The following LINGO2 variants were observed in gnomAD, a reference collection of about 807,000 sequenced individuals.
LINGO2 encodes the protein leucine rich repeat and Ig domain containing 2.
A neutral mutation model predicts 30.6 loss-of-function variants in LINGO2; 14 were observed. The observed-to-expected ratio is 0.46, with a 90% confidence interval of 0.30 to 0.72. LINGO2 has a LOEUF of 0.72. Among genes scored for constraint, LINGO2 ranks in the 30% least tolerant of loss-of-function variants. The probability of loss-of-function intolerance (pLI) is 0.07; values close to 1 mark genes in which losing one functional copy is unlikely to be tolerated. For missense variants in LINGO2, 729 were observed against 751.7 expected, an observed-to-expected ratio of 0.97 and a Z score of 0.35; for synonymous variants, 317 against 288.5, an observed-to-expected ratio of 1.10 and a Z score of -1.00.
At chr9:28,075,520 C>A (rs571950425) in intron 4 of LINGO2, among the ~76,000 whole-genome samples, 3 of 151,938 alleles carry the variant, frequency 2.0e-5, no homozygotes, top group African/African-American at 7.2e-5. Context: ...TTTATAGACA[C>A]CAGATATGTA....
chr9:27,949,829 G>C (rs900609762), exon 6 of LINGO2: 1 of 1,614,130 alleles, frequency 6.2e-7, no homozygotes, highest in African/African-American at 1.3e-5. Flanking sequence ...TGGGATTGTA[G>C]GAGAGGTTAA....
At chr9:28,135,040 G>A (rs146589095) in intron 4 of LINGO2, among the ~76,000 whole-genome samples, 17 of 152,300 alleles carry the variant, frequency 1.1e-4, no homozygotes, top group Non-Finnish European at 2.2e-4. Flanking sequence ...ACCTGTTCCA[G>A]TAAAATCTTC....
chr9:28,243,439 G>A (rs536233202), intron 4 of LINGO2, among the ~76,000 whole-genome samples: 9 of 135,622 alleles, frequency 6.6e-5, no homozygotes, highest in African/African-American at 1.8e-4. Context: ...CAGCCTGTGC[G>A]ACGGAGAAAG....
At chr9:29,071,719 T>C in the LINGO2 span, among the ~76,000 whole-genome samples, 2 of 151,564 alleles carry the variant, frequency 1.3e-5, no homozygotes, top group African/African-American at 2.4e-5. Flanking sequence ...TTCAAAAATA[T>C]ATATTGGAGA....
chr9:28,032,116 T>C (rs1823708662), intron 4 of LINGO2, among the ~76,000 whole-genome samples: 1 of 152,020 alleles, frequency 6.6e-6, no homozygotes, highest in African/African-American at 2.4e-5. Context: ...AAAACAGCTT[T>C]GGCCTTTGAA....
At chr9:28,496,598 C>T (rs10117978) in intron 1 of LINGO2, among the ~76,000 whole-genome samples, 107,814 of 151,440 alleles carry the variant, frequency 0.71, 38,501 homozygotes, top group South Asian at 0.79. Context: ...CTGATGGGTC[C>T]TGACTCTTTA....
the LINGO2 span, among the ~76,000 whole-genome samples, chr9:29,147,945 T>C: frequency 1.3e-5 from 2 of 152,064 alleles, no homozygotes; most frequent in Non-Finnish European, 2.9e-5. Flanking sequence ...CCAACAAACA[T>C]TTCTAAATAT....
At chr9:28,228,338 T>C (rs1457908602) in intron 4 of LINGO2, among the ~76,000 whole-genome samples, 1 of 152,012 alleles carries the variant, frequency 6.6e-6, no homozygotes, top group Non-Finnish European at 1.5e-5. Context: ...TAACTTTCTA[T>C]ATAGCTTCTA....
chr9:28,581,410 A>C (rs1824252731), intron 1 of LINGO2, among the ~76,000 whole-genome samples: 1 of 151,794 alleles, frequency 6.6e-6, no homozygotes, highest in South Asian at 2.1e-4. Context: ...AAGTGTATAG[A>C]AACTTTTAAA....
At chr9:28,046,869 A>C (rs1488196456) in intron 4 of LINGO2, among the ~76,000 whole-genome samples, 1 of 152,124 alleles carries the variant, frequency 6.6e-6, no homozygotes, top group African/African-American at 2.4e-5. Flanking sequence ...ACGTGTATCT[A>C]TTAACACAGG....
the LINGO2 span, among the ~76,000 whole-genome samples, chr9:28,986,792 A>C: frequency 1.3e-5 from 2 of 152,032 alleles, no homozygotes; most frequent in Admixed American, 1.3e-4. Flanking sequence ...ATTTAGAATA[A>C]AGTTTTGAAA....
rs77495210 is a variant in LINGO2, at chr9:28,359,000, C to A, written c.-246+13836G>T. On this transcript the variant is annotated intron_variant, in intron 3 of 5. Transcript: ENST00000379992. Reference sequence around the variant, plus strand: ...TTGATAATTCCAGATTGTTTTGAGACACCAGAGAGATTGAGGAGAATCACA... The same window carrying A: ...TTGATAATTCCAGATTGTTTTGAGAAACCAGAGAGATTGAGGAGAATCACA... Among the ~76,000 whole-genome samples, 864 of 152,218 alleles carry A rather than the reference C, an allele frequency of 5.7e-3. 36 individuals carry two copies. The East Asian group carries it at 0.11, about 19-fold the overall frequency.
chr9:28,577,770 T>C (rs761420100), intron 1 of LINGO2, among the ~76,000 whole-genome samples: 5 of 152,190 alleles, frequency 3.3e-5, no homozygotes, highest in African/African-American at 7.2e-5. Flanking sequence ...AAAGTGAAAC[T>C]GTATAAATAA....
At chr9:27,955,229 C>G (rs1474889121) in intron 5 of LINGO2, among the ~76,000 whole-genome samples, 1 of 152,146 alleles carries the variant, frequency 6.6e-6, no homozygotes, top group African/African-American at 2.4e-5. Context: ...TATTTAGTTA[C>G]CTTGACATTA....
chr9:29,075,204 A>T, the LINGO2 span, among the ~76,000 whole-genome samples: 72,196 of 151,952 alleles, frequency 0.48, 18,024 homozygotes, highest in African/African-American at 0.64. Flanking sequence ...AACAACATTA[A>T]TAAATAAACT....
At chr9:29,155,025 G>C in the LINGO2 span, among the ~76,000 whole-genome samples, 1 of 152,104 alleles carries the variant, frequency 6.6e-6, no homozygotes, top group African/African-American at 2.4e-5. Context: ...TAGTAATAAT[G>C]TCATGTGCTT....
At chr9:28,978,554 G>T in the LINGO2 span, among the ~76,000 whole-genome samples, 1 of 152,020 alleles carries the variant, frequency 6.6e-6, no homozygotes, top group Admixed American at 6.6e-5. Context: ...AGAAAAAATG[G>T]AATAAGTACT....
chr9:28,388,515 G>A (rs1483157290), intron 2 of LINGO2, among the ~76,000 whole-genome samples: 1 of 152,128 alleles, frequency 6.6e-6, no homozygotes, highest in East Asian at 1.9e-4. Flanking sequence ...TCCCAAATAC[G>A]TTTATTTGAA....
the LINGO2 span, among the ~76,000 whole-genome samples, chr9:29,009,678 A>T: frequency 5.9e-5 from 9 of 152,124 alleles, no homozygotes; most frequent in South Asian, 4.1e-4. Flanking sequence ...TGGAAAAAAC[A>T]ACTTTAAAGT....
Sources: gnomAD v4.1 joint callset for allele counts (sites outside exome capture counted in the v4.1 genomes callset) on GRCh38, gnomAD v4.1.1 for gene constraint, MANE v1.5 for transcripts, NCBI Gene and HGNC (gene_info 2026-07-23, HGNC 2026-07-21) for gene names.